DET1: variants seen among roughly 807,000 people sequenced by gnomAD.
DET1 encodes DET1 partner of COP1 E3 ubiquitin ligase.
Under a neutral mutation model 43.7 loss-of-function variants are expected in DET1, and 22 were observed. The ratio of observed to expected loss-of-function variants is 0.50; its 90% CI spans 0.36 to 0.72. The LOEUF (loss-of-function observed/expected upper bound fraction) is 0.72, where lower values mean the gene tolerates loss of function less well. Among genes scored for constraint, DET1 ranks in the 30% least tolerant of loss-of-function variants. The pLI is 0.00. For missense variants in DET1, 713 were observed against 713.3 expected (o/e 1.00, Z 0.00); for synonymous variants, 315 against 266.2 (o/e 1.18, Z -1.79).
intron 1 of DET1, among the ~76,000 whole-genome samples, chr15:88,533,608 G>T (rs1292848940): frequency 6.6e-6 from 1 of 152,002 alleles, no homozygotes; most frequent in Non-Finnish European, 1.5e-5. Flanking sequence ...GCCTTCAAAA[G>T]GAAGAAAATT....
At chr15:88,540,404 G>A (rs1470947846) in intron 1 of DET1, among the ~76,000 whole-genome samples, 2 of 151,744 alleles carry the variant, frequency 1.3e-5, no homozygotes, top group African/African-American at 4.8e-5. Context: ...CCCAGGGAGT[G>A]AGTTTCTCTG....
chr15:88,524,377 G>T (rs2056600090), intron 3 of DET1, among the ~76,000 whole-genome samples: 1 of 152,062 alleles, frequency 6.6e-6, no homozygotes, highest in Non-Finnish European at 1.5e-5. Context: ...CCCCGTCCGG[G>T]AGGTGGGGGG....
downstream of DET1, among the ~76,000 whole-genome samples, chr15:88,510,806 C>A (rs914342100): frequency 2.0e-5 from 3 of 148,972 alleles, no homozygotes; most frequent in East Asian, 3.9e-4. Flanking sequence ...TGGCTCTGTC[C>A]CCCAGGCTGG....
rs2056785654 is a variant in DET1, at chr15:88,530,644, C to T, written c.1062G>A (p.Leu354=). The change falls in exon 2 of 5, where the codon CTG becomes CTA. Residue 354 remains leucine (L), a synonymous_variant. Transcript: ENST00000268148. The part of the protein sequence containing the change: ...IKYTSEDVVT[L]RVTDPSQASF... ...ATACCTGTGATGGATCTGTGACTCGCAGTGTTACTACATCCTCACTAGTGT... is the reference window on the plus strand; with the variant it reads ...ATACCTGTGATGGATCTGTGACTCGTAGTGTTACTACATCCTCACTAGTGT... 1 of 1,609,288 alleles carries T rather than the reference C, an allele frequency of 6.2e-7. No individual in the cohort carries two copies. The highest frequency in any genetic ancestry group is 2.2e-5 in the East Asian group (1 of 44,846).
chr15:88,526,788 G>A (rs932081078), intron 3 of DET1, among the ~76,000 whole-genome samples: 7 of 152,186 alleles, frequency 4.6e-5, no homozygotes, highest in African/African-American at 1.7e-4. Flanking sequence ...TAAACTTCCA[G>A]CCTTTTGCAG....
intron 3 of DET1, among the ~76,000 whole-genome samples, chr15:88,519,749 T>A (rs2142272532): frequency 6.6e-6 from 1 of 152,308 alleles, no homozygotes; most frequent in Admixed American, 6.5e-5. Flanking sequence ...CAACTCTTCC[T>A]ATTCCGTGCC....
chr15:88,518,961 C>T (rs2056418469), intron 3 of DET1, among the ~76,000 whole-genome samples: 1 of 152,148 alleles, frequency 6.6e-6, no homozygotes, highest in African/African-American at 2.4e-5. Flanking sequence ...AAAAATAAAT[C>T]TTGGGCCAAA....
intron 1 of DET1, among the ~76,000 whole-genome samples, chr15:88,544,883 C>T (rs1475496019): frequency 1.3e-5 from 2 of 152,100 alleles, no homozygotes; most frequent in African/African-American, 2.4e-5. Context: ...CCTGTACCCA[C>T]GAAGAGCAAC....
intron 3 of DET1, among the ~76,000 whole-genome samples, chr15:88,527,290 G>T (rs1317959595): frequency 6.6e-6 from 1 of 152,200 alleles, no homozygotes; most frequent in Non-Finnish European, 1.5e-5. Flanking sequence ...TTTCTAAAAT[G>T]ATTTTCTTAT....
chr15:88,511,208 A>G (rs1256505327), downstream of DET1, among the ~76,000 whole-genome samples: 1 of 152,114 alleles, frequency 6.6e-6, no homozygotes, highest in Non-Finnish European at 1.5e-5. Context: ...TTGGATGACC[A>G]CCACGGACTC....
chr15:88,516,028 C>A lies in DET1; in HGVS notation c.1463+754G>T, dbSNP rs1020330531. Among the ~76,000 whole-genome samples, 2 of 152,178 alleles carry A rather than the reference C, an allele frequency of 1.3e-5. No individual in the cohort carries two copies. Among genetic ancestry groups the A allele is most frequent in the African/African-American group, 4.8e-5 (2 of 41,436 alleles). On this transcript the variant is annotated intron_variant, in intron 4 of 4. Coordinates refer to ENST00000268148, the MANE Select transcript of DET1 (RefSeq NM_001144074.3). This position sits in a 1 kb window ranked among gnomAD's most constrained non-coding sequence, Gnocchi z 4.4. ...TTATACAGACTATGTCACACAGGCA[C>A]ATTTAATACACAATGAGACTGGATG...
rs192834801 is a variant in DET1, at chr15:88,532,997, G to A, written c.-10-1282C>T. Among the ~76,000 whole-genome samples the A allele has an allele frequency of 1.6e-4, 25 of 152,214 alleles. No homozygotes were observed. In the East Asian group the frequency reaches 4.4e-3, roughly 27 times the overall value. On this transcript the variant is annotated intron_variant, in intron 1 of 4. Transcript: ENST00000268148. ...AAAGGACACAATCAACCGAGTGAAA[G>A]GGCTTTCTACAGAATGGAAGAAAAT...
chr15:88,507,771 C>G (rs16942016), downstream of DET1, among the ~76,000 whole-genome samples: 20,697 of 152,124 alleles, frequency 0.14, 2,006 homozygotes, highest in East Asian at 0.51. Context: ...TTTCTGGATG[C>G]AGGGAAGAGG....
At chr15:88,541,434 T>A (rs2057103537) in intron 1 of DET1, among the ~76,000 whole-genome samples, 1 of 145,028 alleles carries the variant, frequency 6.9e-6, no homozygotes, top group Non-Finnish European at 1.5e-5. Flanking sequence ...CTCTATACTT[T>A]GTCTCTGTGT....
At chr15:88,510,647 T>C (rs1173819385), downstream of DET1, among the ~76,000 whole-genome samples, 2 of 152,200 alleles carry the variant, frequency 1.3e-5, no homozygotes, top group African/African-American at 2.4e-5. Context: ...GATGGGATTA[T>C]GCCCAGGTAA....
At chr15:88,518,673 A>G (rs1440070871) in intron 3 of DET1, among the ~76,000 whole-genome samples, 1 of 152,224 alleles carries the variant, frequency 6.6e-6, no homozygotes, top group East Asian at 1.9e-4. Context: ...AGCATATCAT[A>G]TGGTTCAACA....
chr15:88,528,582 C>T (rs776553644), intron 2 of DET1, among the ~76,000 whole-genome samples: 2 of 152,180 alleles, frequency 1.3e-5, no homozygotes, highest in Non-Finnish European at 2.9e-5. Context: ...TAAATGGGCC[C>T]CTTGGTGGCT....
At position 88,531,414 on chromosome 15, in the gene DET1, G is replaced by C. The variant is rs2056811473; in HGVS notation, c.292C>G (p.Gln98Glu). The part of the protein sequence containing the change: ...QGCQAAEDLL[Q>E]GYEGEILSNG... ...GACAGGATTTCTCCTTCGTATCCCT[G>C]CAGTAGGTCCTCTGCTGCCTGGCAG... is the stretch of plus-strand genomic sequence containing the variant. The change falls in exon 2 of 5, where the codon CAG (glutamine) becomes GAG (glutamate). Residue 98 changes from glutamine (Q) to glutamate (E), a missense_variant. Physicochemically the swap from Gln to Glu is conservative, Grantham distance 29. Coordinates refer to ENST00000268148, the MANE Select transcript of DET1 (RefSeq NM_001144074.3). The surrounding 1 kb of genome is among the most constrained non-coding windows in gnomAD (Gnocchi z 6.2). The C allele has an allele frequency of 6.2e-7, 1 of 1,613,920 alleles. No individual in the cohort carries two copies. The highest frequency in any genetic ancestry group is 1.7e-5 in the Admixed American group (1 of 60,010).
Position 88,516,697 on chromosome 15 carries a change from T to C in DET1, c.1463+85A>G. ...CCATGAGTACGAGTCACAGTCACAA[T>C]CAAATGATGTCCAGAAAAAGAGAAA... On this transcript the variant is annotated intron_variant, in intron 4 of 4. Transcript: ENST00000268148. The surrounding 1 kb of genome is among the most constrained non-coding windows in gnomAD (Gnocchi z 4.4). 2 of 1,205,696 alleles carry C rather than the reference T, an allele frequency of 1.7e-6. No individual in the cohort carries two copies. Among genetic ancestry groups the C allele is most frequent in the Non-Finnish European group, 2.2e-6 (2 of 900,620 alleles). 74.7% of individuals were successfully genotyped at this position (1,205,696 alleles called of 1,614,324 possible).
Sources: allele counts gnomAD v4.1 joint callset (sites outside exome capture counted in the v4.1 genomes callset), GRCh38; gene constraint gnomAD v4.1.1; non-coding constraint Gnocchi (gnomAD v3.1); transcripts MANE v1.5; gene names NCBI Gene and HGNC (gene_info 2026-07-23, HGNC 2026-07-21).